Variants in TMED3 observed in about 807,000 individuals in gnomAD.
TMED3 encodes transmembrane p24 trafficking protein 3.
TMED3 carries 9 observed loss-of-function variants against 15.0 expected under a neutral mutation model. The ratio of observed to expected loss-of-function variants is 0.60; its 90% confidence interval spans 0.36 to 1.04. TMED3 has a LOEUF of 1.04. Among genes scored for constraint, TMED3 ranks in the 50% least tolerant of loss-of-function variants. TMED3 has a pLI of 0.01. For missense variants in TMED3, 267 were observed against 278.9 expected, an observed-to-expected ratio of 0.96 and a Z score of 0.30; for synonymous variants, 117 against 121.4, an observed-to-expected ratio of 0.96 and a Z score of 0.24.
chr15:79,328,926 A>T (rs1459654650), intron 2 of TMED3, among the ~76,000 whole-genome samples: 1 of 152,148 alleles, frequency 6.6e-6, no homozygotes, highest in African/African-American at 2.4e-5. Flanking sequence ...CCCCTTTGCC[A>T]TGAATTCAGT....
intron 2 of TMED3, among the ~76,000 whole-genome samples, chr15:79,386,934 CTTTTTTT>C (rs372149513): frequency 7.3e-6 from 1 of 137,348 alleles, no homozygotes; most frequent in Non-Finnish European, 1.6e-5. Context: ...ATCTTTTAAT[CTTTTTTT>C]TTTTTTTTGA....
chr15:79,399,551 A>G (rs1893807612), intron 2 of TMED3, among the ~76,000 whole-genome samples: 2 of 152,208 alleles, frequency 1.3e-5, no homozygotes, highest in Admixed American at 6.5e-5. Context: ...GATGTGAGCT[A>G]GAATGGTGGT....
intron 2 of TMED3, among the ~76,000 whole-genome samples, chr15:79,380,157 C>G (rs1026684334): frequency 1.3e-5 from 2 of 151,940 alleles, no homozygotes; most frequent in Non-Finnish European, 2.9e-5. Context: ...TCGAGACCAG[C>G]CTGACCAACA....
intron 2 of TMED3, among the ~76,000 whole-genome samples, chr15:79,374,359 G>T (rs1893391859): frequency 6.6e-6 from 1 of 152,120 alleles, no homozygotes; most frequent in East Asian, 1.9e-4. Context: ...GTATAATGAG[G>T]CATATTGGAT....
intron 2 of TMED3, among the ~76,000 whole-genome samples, chr15:79,335,557 C>T (rs1325603664): frequency 6.6e-6 from 1 of 152,090 alleles, no homozygotes; most frequent in Non-Finnish European, 1.5e-5. Flanking sequence ...CACAGAGCAC[C>T]TTTGAACCAC....
downstream of TMED3, among the ~76,000 whole-genome samples, chr15:79,326,802 G>A (rs1446425971): frequency 6.6e-6 from 1 of 152,148 alleles, no homozygotes; most frequent in Non-Finnish European, 1.5e-5. Context: ...TATAAAAGAG[G>A]CCTGAGGGAA....
chr15:79,375,028 C>T (rs186737568), intron 2 of TMED3, among the ~76,000 whole-genome samples: 3 of 152,296 alleles, frequency 2.0e-5, no homozygotes, highest in South Asian at 2.1e-4. Flanking sequence ...TATGTCTTCA[C>T]AATGCTAGAT....
At chr15:79,385,670 C>G (rs147493511) in intron 2 of TMED3, among the ~76,000 whole-genome samples, 1 of 152,160 alleles carries the variant, frequency 6.6e-6, no homozygotes, top group Non-Finnish European at 1.5e-5. Flanking sequence ...CTGGCAACCT[C>G]GAAGAGCACA....
At chr15:79,331,543 A>AAAAAAAAAAAAAAAAAAAAG in intron 2 of TMED3, among the ~76,000 whole-genome samples, 1 of 35,370 alleles carries the variant, frequency 2.8e-5, no homozygotes, top group African/African-American at 8.3e-5. Context: ...CAAAAGAAGC[A>AAAAAAAAAAAAAAAAAAAAG]AAAAAAAAAA....
chr15:79,338,857 C>T (rs944565590), intron 2 of TMED3, among the ~76,000 whole-genome samples: 4 of 151,922 alleles, frequency 2.6e-5, no homozygotes, highest in East Asian at 3.9e-4. Flanking sequence ...CGTGGTCTAG[C>T]GGTAGCGTAA....
At chr15:79,383,825 G>C (rs1893581694) in intron 2 of TMED3, 1 of 152,188 alleles carries the variant, frequency 6.6e-6, no homozygotes, top group African/African-American at 2.4e-5. Flanking sequence ...GGTTTATAAA[G>C]ACACTTTTGA....
intron 2 of TMED3, among the ~76,000 whole-genome samples, chr15:79,407,647 T>C (rs750039640): frequency 6.6e-6 from 1 of 152,200 alleles, no homozygotes; most frequent in South Asian, 2.1e-4. Flanking sequence ...TAAAGTTTTA[T>C]TGGAACACTT....
At chr15:79,324,203 G>C (rs1253882318), downstream of TMED3, among the ~76,000 whole-genome samples, 1 of 152,194 alleles carries the variant, frequency 6.6e-6, no homozygotes, top group Non-Finnish European at 1.5e-5. Context: ...GTGTTAGCCA[G>C]GATGGTCTCG....
Position 79,389,747 on chromosome 15 carries a change from G to T in TMED3, c.418-21653G>T, listed in dbSNP as rs376825878. Among the ~76,000 whole-genome samples, 122 of 151,684 alleles carry T rather than the reference G, an allele frequency of 8.0e-4. 5 individuals are homozygous for T. In the South Asian group the frequency reaches 0.022, roughly 28 times the overall value. ...AGCATGGGATGTGTTTCCATTTTTT[G>T]ATGTCATCTGTGGTGTCTTTCAGCA... On this transcript the variant is annotated intron_variant, in intron 2 of 2. Transcript: ENST00000424155.
chr15:79,353,191 A>ATTATATATATTATACG, intron 2 of TMED3, among the ~76,000 whole-genome samples: 2 of 91,464 alleles, frequency 2.2e-5, no homozygotes, highest in South Asian at 2.9e-4. Flanking sequence ...TAAAATATAT[A>ATTATATATATTATACG]TAATATATAA....
At chr15:79,377,369 G>T (rs1893445013) in intron 2 of TMED3, among the ~76,000 whole-genome samples, 1 of 151,486 alleles carries the variant, frequency 6.6e-6, no homozygotes, top group African/African-American at 2.4e-5. Flanking sequence ...TTTGAGTGTA[G>T]GTGTGTCTTA....
intron 2 of TMED3, among the ~76,000 whole-genome samples, chr15:79,350,338 G>A (rs1054813085): frequency 2.0e-5 from 3 of 152,214 alleles, no homozygotes; most frequent in South Asian, 4.2e-4. Flanking sequence ...ATGATAAGCC[G>A]TCTGCAAGCT....
rs2141218606 is a variant in TMED3, at chr15:79,322,454, T to A, written c.*240T>A. On this transcript the variant is annotated 3_prime_UTR_variant, in exon 3 of 3. Coordinates refer to ENST00000299705, the MANE Select transcript of TMED3 (RefSeq NM_007364.4). ...GCAGCGCTGAAAAGACATTTACAACTAGGCCAGGGATTAGCCACTGTGGGA... is the reference window on the plus strand; with the variant it reads ...GCAGCGCTGAAAAGACATTTACAACAAGGCCAGGGATTAGCCACTGTGGGA... The A allele has an allele frequency of 7.5e-7, 1 of 1,338,340 alleles. No homozygotes were observed. The highest frequency in any genetic ancestry group is 3.0e-5 in the East Asian group (1 of 33,620). The allele number at this position is 1,338,340 out of a possible 1,614,324, so 82.9% of individuals were successfully genotyped here. A position where few individuals can be genotyped will look rare whatever the true frequency, so the allele number is the denominator to read the frequency against.
At chr15:79,411,271 G>A (rs895373195) in intron 2 of TMED3, 2 of 576,086 alleles carry the variant, frequency 3.5e-6, no homozygotes. Context: ...CAGCAATAAA[G>A]GTAAATTCTT....
Sources: allele counts gnomAD v4.1 joint callset (sites outside exome capture counted in the v4.1 genomes callset), GRCh38; gene constraint gnomAD v4.1.1; transcripts MANE v1.5; gene names NCBI Gene and HGNC (gene_info 2026-07-23, HGNC 2026-07-21).